The following EPHA3 variants were observed in gnomAD, a reference collection of about 807,000 sequenced individuals.
EPHA3 encodes the protein ephrin type-A receptor 3.
In EPHA3, 42 loss-of-function variants were observed where a neutral mutation model predicts 107.1. The ratio of observed to expected loss-of-function variants is 0.39; its 90% confidence interval spans 0.31 to 0.51. The LOEUF (loss-of-function observed/expected upper bound fraction) is 0.51. EPHA3 is among the 20% of genes least tolerant of loss of function. The pLI, the probability that EPHA3 is intolerant of heterozygous loss-of-function variation, is 0.78. For missense variants in EPHA3, 1,183 were observed against 1,211.2 expected, an observed-to-expected ratio of 0.98 and a Z score of 0.35; for synonymous variants, 461 against 424.8, an observed-to-expected ratio of 1.09 and a Z score of -1.05.
chr3:89,374,665 G>T (rs1444426823), intron 5 of EPHA3, among the ~76,000 whole-genome samples: 1 of 151,520 alleles, frequency 6.6e-6, no homozygotes, highest in Non-Finnish European at 1.5e-5. Context: ...AATCCCATTG[G>T]TCTGGTCTGC....
intron 9 of EPHA3, among the ~76,000 whole-genome samples, chr3:89,411,719 T>C (rs1417767660): frequency 1.3e-5 from 2 of 151,866 alleles, no homozygotes; most frequent in African/African-American, 4.8e-5. Context: ...TACTGTGAAA[T>C]CCTAGACTTG....
chr3:89,400,149 G>A, intron 7 of EPHA3: 2 of 590,758 alleles, frequency 3.4e-6, no homozygotes, highest in Non-Finnish European at 4.3e-6. Context: ...TATAAAATGA[G>A]TAGAAGTTAA....
At chr3:89,457,942 C>T (rs1354631036) in intron 15 of EPHA3, among the ~76,000 whole-genome samples, 1 of 152,142 alleles carries the variant, frequency 6.6e-6, no homozygotes, top group African/African-American at 2.4e-5. Flanking sequence ...GAGAAAGTAT[C>T]AGAGAATACT....
At chr3:89,159,694 G>T (rs1049346499) in intron 2 of EPHA3, among the ~76,000 whole-genome samples, 2 of 152,068 alleles carry the variant, frequency 1.3e-5, no homozygotes, top group African/African-American at 4.8e-5. Flanking sequence ...GGAATCCAAA[G>T]CGGATAAATA....
At chr3:89,204,801 T>C (rs1706061471) in intron 2 of EPHA3, among the ~76,000 whole-genome samples, 1 of 152,120 alleles carries the variant, frequency 6.6e-6, no homozygotes, top group South Asian at 2.1e-4. Context: ...GCCCAAATAC[T>C]TCCAGGACGA....
In EPHA3 at chr3:89,408,125, G is replaced by A. The variant is rs533770865; in HGVS notation, c.1756G>A (p.Gly586Arg). ...ADEKRLHFGN[G>R]HLKLPGLRTY... is the part of the protein sequence containing the mutation. ...TGAAAAAAGACTTCATTTTGGCAAT[G>A]GGCATTGTAAGTTTCTAAACTTGGC... Residue 586 changes from glycine to arginine, a missense_variant, in exon 9 of 17, where the codon GGG becomes AGG. Physicochemically the swap from Gly to Arg is moderately radical, Grantham distance 125 (BLOSUM62 -2). Coordinates refer to ENST00000336596, the MANE Select transcript of EPHA3 (RefSeq NM_005233.6). The A allele has an allele frequency of 1.2e-6, 2 of 1,612,690 alleles. No individual in the cohort carries two copies. The highest frequency in any genetic ancestry group is 8.5e-7 in the Non-Finnish European group (1 of 1,178,984).
intron 5 of EPHA3, among the ~76,000 whole-genome samples, chr3:89,360,299 A>T (rs1439995343): frequency 6.6e-6 from 1 of 150,934 alleles, no homozygotes; most frequent in Non-Finnish European, 1.5e-5. Flanking sequence ...AAAATTTATG[A>T]CTAATTAGAT....
At chr3:89,460,760 A>G (rs1353669500) in intron 15 of EPHA3, among the ~76,000 whole-genome samples, 5 of 145,878 alleles carry the variant, frequency 3.4e-5, no homozygotes, top group African/African-American at 1.3e-4. Flanking sequence ...GTGAATAAAT[A>G]TGATACAGAA....
chr3:89,351,925 C>CAA (rs71621543), intron 5 of EPHA3, among the ~76,000 whole-genome samples: 1,193 of 84,014 alleles, frequency 0.014, 22 homozygotes, highest in African/African-American at 0.047. Context: ...AAGGCAGATG[C>CAA]AAAAAAAAAA....
In EPHA3 at chr3:89,223,028, C is replaced by T. The variant is rs139274520; in HGVS notation, c.814+12508C>T. On this transcript the variant is annotated intron_variant, in intron 3 of 16. Transcript: ENST00000336596. Reference sequence around the variant, plus strand: ...TTTTAACCTTTACAAAATCTAAAAGCTTATTTAAAGCAACCCTTTCATTAA... The same window carrying T: ...TTTTAACCTTTACAAAATCTAAAAGTTTATTTAAAGCAACCCTTTCATTAA... Among the ~76,000 whole-genome samples, 351 of 152,232 alleles carry T rather than the reference C, an allele frequency of 2.3e-3. 9 individuals carry two copies. In the East Asian group the frequency reaches 0.061, roughly 26 times the overall value.
intron 5 of EPHA3, among the ~76,000 whole-genome samples, chr3:89,375,582 CTG>C (rs57242510): frequency 0.015 from 2,310 of 151,530 alleles, 43 homozygotes; most frequent in African/African-American, 0.053. Flanking sequence ...CAGTCATTGA[CTG>C]AGAGCTGTTC....
intron 13 of EPHA3, among the ~76,000 whole-genome samples, chr3:89,438,941 G>A (rs149184338): frequency 3.9e-5 from 6 of 152,258 alleles, no homozygotes; most frequent in Non-Finnish European, 5.9e-5. Context: ...ATTTAAACAT[G>A]TAAAAAACAA....
At chr3:89,169,266 G>C (rs546192416) in intron 2 of EPHA3, among the ~76,000 whole-genome samples, 35 of 151,844 alleles carry the variant, frequency 2.3e-4, no homozygotes, top group Non-Finnish European at 4.9e-4. Context: ...ATTTTAAAAG[G>C]TTAGTTAGGG....
intron 2 of EPHA3, among the ~76,000 whole-genome samples, chr3:89,150,150 C>T (rs1704658106): frequency 1.3e-5 from 2 of 151,852 alleles, no homozygotes; most frequent in Admixed American, 6.6e-5. Context: ...CTAATGACTT[C>T]ATGATTAATT....
intron 3 of EPHA3, among the ~76,000 whole-genome samples, chr3:89,340,029 T>C (rs1707482535): frequency 6.6e-6 from 1 of 152,224 alleles, no homozygotes; most frequent in Non-Finnish European, 1.5e-5. Flanking sequence ...AAAGAAGTAA[T>C]GCAGCATTTT....
chr3:89,370,794 A>T (rs1708285694), intron 5 of EPHA3, among the ~76,000 whole-genome samples: 1 of 151,714 alleles, frequency 6.6e-6, no homozygotes, highest in Admixed American at 6.6e-5. Context: ...GAAAAACAGG[A>T]AGAAAGTATA....
At chr3:89,201,244 A>G (rs1157801196) in intron 2 of EPHA3, among the ~76,000 whole-genome samples, 1 of 152,080 alleles carries the variant, frequency 6.6e-6, no homozygotes, top group African/African-American at 2.4e-5. Flanking sequence ...GAACTCCCTC[A>G]ATATCATGAA....
At chr3:89,447,197 A>G (rs1709892590) in intron 13 of EPHA3, among the ~76,000 whole-genome samples, 3 of 152,176 alleles carry the variant, frequency 2.0e-5, no homozygotes, top group South Asian at 4.1e-4. Context: ...TTATCTCCCT[A>G]ACTTCCGAGG....
intron 3 of EPHA3, among the ~76,000 whole-genome samples, chr3:89,250,820 C>T (rs928079321): frequency 5.3e-5 from 8 of 152,152 alleles, no homozygotes; most frequent in African/African-American, 9.7e-5. Flanking sequence ...CATTTACATA[C>T]GAAGCCCCAA....
Sources: gnomAD v4.1 joint callset for allele counts (sites outside exome capture counted in the v4.1 genomes callset) on GRCh38, gnomAD v4.1.1 for gene constraint, MANE v1.5 for transcripts, NCBI Gene and HGNC (gene_info 2026-07-23, HGNC 2026-07-21) for gene names.